The following EDIL3 variants were observed in gnomAD, a reference collection of about 807,000 sequenced individuals.
EDIL3 encodes the protein EGF like and discoidin domains 3.
Under a neutral mutation model 67.4 loss-of-function variants are expected in EDIL3, and 37 were observed. The ratio of observed to expected loss-of-function variants is 0.55; its 90% CI spans 0.42 to 0.72. EDIL3 has a LOEUF of 0.72. EDIL3 is among the 30% of genes least tolerant of loss of function. The pLI, the probability that EDIL3 is intolerant of heterozygous loss-of-function variation, is 0.00. For missense variants in EDIL3, 527 were observed against 586.3 expected (o/e 0.90, Z 1.04); for synonymous variants, 195 against 196.3 (o/e 0.99, Z 0.05).
chr5:84,053,684 A>G (rs199805206), intron 9 of EDIL3, among the ~76,000 whole-genome samples: 28,628 of 151,824 alleles, frequency 0.19, 2,991 homozygotes, highest in Admixed American at 0.24. Context: ...AAACACCTCT[A>G]TGCAAATAAA....
intron 9 of EDIL3, among the ~76,000 whole-genome samples, chr5:84,030,452 A>ATGTCT (rs1403904846): frequency 6.6e-6 from 1 of 152,144 alleles, no homozygotes; most frequent in African/African-American, 2.4e-5. Flanking sequence ...TATTCTAAAA[A>ATGTCT]TGTCTTGTCT....
intron 9 of EDIL3, among the ~76,000 whole-genome samples, chr5:84,029,873 T>C (rs1745886697): frequency 6.6e-6 from 1 of 152,136 alleles, no homozygotes; most frequent in South Asian, 2.1e-4. Flanking sequence ...CAGGGAAAGA[T>C]AAATAAGTTT....
At chr5:84,082,668 T>C (rs1746990770) in intron 6 of EDIL3, among the ~76,000 whole-genome samples, 1 of 152,212 alleles carries the variant, frequency 6.6e-6, no homozygotes, top group African/African-American at 2.4e-5. Context: ...GAATTAAATC[T>C]CATTGTCACA....
intron 9 of EDIL3, among the ~76,000 whole-genome samples, chr5:84,037,529 C>G (rs1746042355): frequency 1.3e-5 from 2 of 151,996 alleles, no homozygotes; most frequent in South Asian, 2.1e-4. Context: ...TAAAAACCAC[C>G]TGGAAAGTTA....
chr5:84,197,595 T>G (rs114234010), intron 3 of EDIL3, among the ~76,000 whole-genome samples: 3,243 of 150,684 alleles, frequency 0.022, 136 homozygotes, highest in African/African-American at 0.073. Context: ...AGAGGCAGAG[T>G]TTACAGTGAG....
chr5:84,247,277 C>T (rs1435375866), intron 2 of EDIL3, among the ~76,000 whole-genome samples: 1 of 152,076 alleles, frequency 6.6e-6, no homozygotes, highest in Admixed American at 6.6e-5. Flanking sequence ...CTGAAATTTA[C>T]CAAATCCCTC....
At chr5:84,072,731 C>G (rs550369944) in intron 6 of EDIL3, among the ~76,000 whole-genome samples, 1 of 151,856 alleles carries the variant, frequency 6.6e-6, no homozygotes, top group South Asian at 2.1e-4. Flanking sequence ...AAATAGGCAT[C>G]TAAGTAATTT....
chr5:84,014,128 G>A (rs1745560245), intron 9 of EDIL3, among the ~76,000 whole-genome samples: 1 of 152,062 alleles, frequency 6.6e-6, no homozygotes, highest in South Asian at 2.1e-4. Flanking sequence ...ACTCTCCTAT[G>A]CTTAACAGGA....
chr5:84,092,075 A>G (rs957580813), intron 6 of EDIL3, among the ~76,000 whole-genome samples: 1 of 152,172 alleles, frequency 6.6e-6, no homozygotes, highest in Non-Finnish European at 1.5e-5. Context: ...AGAAATAGGG[A>G]TACAGAGTCC....
chr5:84,087,673 C>T (rs890750817), intron 6 of EDIL3, among the ~76,000 whole-genome samples: 1 of 152,126 alleles, frequency 6.6e-6, no homozygotes, highest in African/African-American at 2.4e-5. Context: ...AGTATTCCTG[C>T]CCTCATGCAG....
In EDIL3 at chr5:84,274,157, AGTTCAGT is replaced by A. The variant is rs1646703636; in HGVS notation, c.68-19952_68-19946del. On this transcript the variant is annotated intron_variant, in intron 1 of 10. Coordinates refer to ENST00000296591, the MANE Select transcript of EDIL3 (RefSeq NM_005711.5). ...CGTCTTGCTCTGTCACCCAGGCTGG[AGTTCAGT>A]GGTGCAATCATGGCTCACTGCAGCC... 2.0e-5 allele frequency among the ~76,000 whole-genome samples: 3 copies of A among 152,044 alleles called. No individual in the cohort carries two copies. The South Asian group carries it at 6.2e-4, about 32-fold the overall frequency.
intron 1 of EDIL3, among the ~76,000 whole-genome samples, chr5:84,262,899 G>C (rs746646029): frequency 6.6e-6 from 1 of 151,604 alleles, no homozygotes; most frequent in East Asian, 1.9e-4. Flanking sequence ...TTGAATTCCT[G>C]AGCTCAGACA....
chr5:84,304,438 G>A (rs956213349), intron 1 of EDIL3, among the ~76,000 whole-genome samples: 1 of 152,150 alleles, frequency 6.6e-6, no homozygotes, highest in Admixed American at 6.5e-5. Flanking sequence ...CATGCACGAC[G>A]GACCACAAAA....
At chr5:84,338,425 A>G (rs1747032136) in intron 1 of EDIL3, among the ~76,000 whole-genome samples, 1 of 152,202 alleles carries the variant, frequency 6.6e-6, no homozygotes. Context: ...CTCAAGTTGT[A>G]GCCTGAGGTC....
At chr5:84,356,295 C>T (rs867944056) in intron 1 of EDIL3, among the ~76,000 whole-genome samples, 1 of 152,308 alleles carries the variant, frequency 6.6e-6, no homozygotes, top group South Asian at 2.1e-4. Context: ...CAGACAAACT[C>T]CACGAATGTT....
intron 4 of EDIL3, among the ~76,000 whole-genome samples, chr5:84,141,928 T>TATAC (rs370508705): frequency 0.16 from 18,832 of 120,882 alleles, 1,838 homozygotes; most frequent in East Asian, 0.48. Flanking sequence ...TATATACACA[T>TATAC]ATATATATAT....
chr5:84,111,274 G>A (rs1037319175), intron 5 of EDIL3, among the ~76,000 whole-genome samples: 2 of 152,114 alleles, frequency 1.3e-5, no homozygotes, highest in Non-Finnish European at 2.9e-5. Flanking sequence ...ATAACAATGT[G>A]TGAATGAACT....
At chr5:84,207,152 GTC>G (rs2112384844) in intron 3 of EDIL3, among the ~76,000 whole-genome samples, 2 of 152,274 alleles carry the variant, frequency 1.3e-5, no homozygotes, top group East Asian at 3.9e-4. Flanking sequence ...AAACCCCACT[GTC>G]TCAGCCCAAA....
At chr5:84,351,028 T>G (rs1225870662) in intron 1 of EDIL3, among the ~76,000 whole-genome samples, 2 of 152,120 alleles carry the variant, frequency 1.3e-5, no homozygotes, top group African/African-American at 4.8e-5. Flanking sequence ...ACATTTTAAG[T>G]AATCAATAGC....
Sources: allele counts gnomAD v4.1 joint callset (sites outside exome capture counted in the v4.1 genomes callset), GRCh38; gene constraint gnomAD v4.1.1; transcripts MANE v1.5; gene names NCBI Gene and HGNC (gene_info 2026-07-23, HGNC 2026-07-21).